Variants in KMT5A observed in about 807,000 individuals in gnomAD.
KMT5A encodes lysine methyltransferase 5A.
Under a neutral mutation model 40.6 loss-of-function variants are expected in KMT5A, and 6 were observed. That is an observed-to-expected ratio of 0.15 (90% CI 0.08 to 0.29). The LOEUF is 0.29. KMT5A is among the 10% of genes least tolerant of loss of function. The pLI, the probability that KMT5A is intolerant of heterozygous loss-of-function variation, is 1.00. For synonymous variants in KMT5A, 153 were observed against 178.8 expected, an observed-to-expected ratio of 0.86 and a Z score of 1.15; for missense variants, 308 against 459.1, an observed-to-expected ratio of 0.67 and a Z score of 3.01.
intron 5 of KMT5A, among the ~76,000 whole-genome samples, chr12:123,400,605 C>T (rs1270214515): frequency 6.6e-6 from 1 of 151,862 alleles, no homozygotes; most frequent in Non-Finnish European, 1.5e-5. Flanking sequence ...GTGATCCGCC[C>T]ACCTTGGCCT....
chr12:123,407,962 C>G lies in KMT5A; in HGVS notation c.*259C>G. ...TTTTGTACTTTTTTTGCATACAAGC[C>G]GAACGTTTGTGCTTCCCGTGCATGC... On this transcript the variant is annotated 3_prime_UTR_variant, in exon 8 of 8. Transcript: ENST00000402868. 1 of 444,538 alleles carries G rather than the reference C, an allele frequency of 2.2e-6. No individual in the cohort carries two copies. The highest frequency in any genetic ancestry group is 3.9e-5 in the Admixed American group (1 of 25,910). The allele number at this position is 444,538 out of a possible 1,614,324, so 27.5% of individuals were successfully genotyped here. A position where few individuals can be genotyped will look rare whatever the true frequency, so the allele number is the denominator to read the frequency against.
intron 3 of KMT5A, among the ~76,000 whole-genome samples, chr12:123,391,784 C>G (rs1450572228): frequency 6.6e-6 from 1 of 152,196 alleles, no homozygotes; most frequent in African/African-American, 2.4e-5. Flanking sequence ...GCCAGCAGCT[C>G]CATACAAGGA....
chr12:123,406,028 C>T (rs535608086), intron 7 of KMT5A, among the ~76,000 whole-genome samples: 16 of 152,046 alleles, frequency 1.1e-4, no homozygotes, highest in African/African-American at 3.9e-4. Flanking sequence ...ACTGTGTTAG[C>T]CAGGATGGTC....
At chr12:123,392,857 G>T (rs182949185) in intron 3 of KMT5A, among the ~76,000 whole-genome samples, 121 of 152,180 alleles carry the variant, frequency 8.0e-4, no homozygotes, top group Non-Finnish European at 1.3e-3. Context: ...GAGGAAGAAA[G>T]ATCTGGATGG....
intron 5 of KMT5A, among the ~76,000 whole-genome samples, chr12:123,400,950 A>G (rs945281809): frequency 5.9e-5 from 9 of 151,470 alleles, no homozygotes; most frequent in African/African-American, 2.2e-4. Context: ...GTGCACCACT[A>G]TGCCCGGCTG....
chr12:123,403,532 A>G, intron 5 of KMT5A, 41 bp from the exon 6 acceptor site: 1 of 1,609,318 alleles, frequency 6.2e-7, no homozygotes. Context: ...CGATGGGCCT[A>G]GGAGAAGATA....
Position 123,405,063 on chromosome 12 carries a change from C to G in KMT5A, c.837C>G (p.Ser279Arg), listed in dbSNP as rs758617587. 6.2e-7 allele frequency: 1 copy of G among 1,612,800 alleles called. No individual in the cohort carries two copies. The highest frequency in any genetic ancestry group is 1.1e-5 in the South Asian group (1 of 90,904). The change falls in exon 7 of 8, where the codon AGC becomes AGG. Residue 279 changes from serine (S) to arginine (R), a missense_variant. By Grantham distance (110) the Ser-to-Arg change is moderately radical. Transcript: ENST00000402868. Reference sequence around the variant, plus strand: ...ACATGTACTATTTTCAGTATCTGAGCAAAACCTACTGGTGAGTCCACTGTT... The same window carrying G: ...ACATGTACTATTTTCAGTATCTGAGGAAAACCTACTGGTGAGTCCACTGTT... ...GCYMYYFQYL[S>R]KTYCVDATRE...
chr12:123,402,594 T>C (rs1037103911), intron 5 of KMT5A, among the ~76,000 whole-genome samples: 9 of 152,182 alleles, frequency 5.9e-5, no homozygotes, highest in African/African-American at 9.7e-5. Flanking sequence ...GAGCTTCCGA[T>C]CTGTCTTCAT....
Position 123,407,744 on chromosome 12 carries a change from T to G in KMT5A, c.*41T>G. The G allele has an allele frequency of 6.5e-7, 1 of 1,533,722 alleles. No homozygotes were observed. The highest frequency in any genetic ancestry group is 1.2e-5 in the South Asian group (1 of 86,348). On this transcript the variant is annotated 3_prime_UTR_variant, in exon 8 of 8. Coordinates refer to ENST00000402868, the MANE Select transcript of KMT5A (RefSeq NM_020382.7). ...CCCTCCCCGCCCCACTTTCCCTTCT[T>G]CAAAGGACAAAGTGCCCTCAAAGGG...
At chr12:123,403,525 T>C in intron 5 of KMT5A, 48 bp from the exon 6 acceptor site, 1 of 1,605,932 alleles carries the variant, frequency 6.2e-7, no homozygotes, top group East Asian at 2.2e-5. Flanking sequence ...CTACGCACGA[T>C]GGGCCTAGGA....
At chr12:123,394,104 C>CTTTT (rs397711320) in intron 3 of KMT5A, among the ~76,000 whole-genome samples, 14 of 125,050 alleles carry the variant, frequency 1.1e-4, no homozygotes, top group Admixed American at 1.8e-4. Flanking sequence ...ATTTTTTTTT[C>CTTTT]TTTTTTTTTT....
chr12:123,399,138 C>G (rs1877962008), intron 5 of KMT5A, among the ~76,000 whole-genome samples: 1 of 152,262 alleles, frequency 6.6e-6, no homozygotes, highest in Non-Finnish European at 1.5e-5. Flanking sequence ...GACCATGCCT[C>G]TTGGCAATGG....
chr12:123,389,454 G>T lies in KMT5A; in HGVS notation c.32G>T (p.Arg11Leu). Residue 11 changes from arginine (R) to leucine (L), a missense_variant, in exon 2 of 8, where the codon CGC (arginine) becomes CTC (leucine). Around this residue, in one of 4 missense-constraint regions of KMT5A, gnomAD observed 92 missense variants for 78.3 expected, o/e 1.18. Coordinates refer to ENST00000402868, the MANE Select transcript of KMT5A (RefSeq NM_020382.7). ...CCAGGCAGGAAGATGTCCAAGCCCC[G>T]CGCGGTGGAGGCGGCGGCGGCGGCG... MARGRKMSKP[R>L]AVEAAAAAAA... The T allele has an allele frequency of 1.8e-6, 2 of 1,088,720 alleles. No homozygotes were observed. The allele number at this position is 1,088,720 out of a possible 1,614,324, so 67.4% of individuals were successfully genotyped here.
At position 123,393,121 on chromosome 12, in the gene KMT5A, A is replaced by C. The variant is rs1246185430; in HGVS notation, c.290-1926A>C. Among the ~76,000 whole-genome samples, 6 of 152,098 alleles carry C rather than the reference A, an allele frequency of 3.9e-5. No individual in the cohort carries two copies. The East Asian group carries it at 1.2e-3, about 29-fold the overall frequency. Reference sequence around the variant, plus strand: ...TTGAACTCCTGACCTCAGGTGGCCCACCCGCCTTGGCCTCCCAAAGTGCTG... The same window carrying C: ...TTGAACTCCTGACCTCAGGTGGCCCCCCCGCCTTGGCCTCCCAAAGTGCTG... On this transcript the variant is annotated intron_variant, in intron 3 of 7. Coordinates refer to ENST00000402868, the MANE Select transcript of KMT5A (RefSeq NM_020382.7).
At chr12:123,398,587 A>G (rs1348866591) in intron 5 of KMT5A, among the ~76,000 whole-genome samples, 3 of 152,240 alleles carry the variant, frequency 2.0e-5, no homozygotes, top group African/African-American at 7.2e-5. Flanking sequence ...TGCAAACACA[A>G]GAAAGCTCGC....
Position 123,395,566 on chromosome 12 carries a change from GTT to G in KMT5A, c.509+318_509+319del, listed in dbSNP as rs144265301. Among the ~76,000 whole-genome samples the G allele has an allele frequency of 1.0e-4, 15 of 143,084 alleles. No individual in the cohort carries two copies. In the South Asian group the frequency reaches 2.0e-3, roughly 19 times the overall value. 93.9% of individuals were successfully genotyped at this position (143,084 alleles called of 152,430 possible). On this transcript the variant is annotated intron_variant, in intron 4 of 7. Coordinates refer to ENST00000402868, the MANE Select transcript of KMT5A (RefSeq NM_020382.7). ...TCTTTTTTGGTGATTGGTGTTTTGT[GTT>G]TTTTTTTTTTTTTTTTTGAGACAGA...
chr12:123,402,562 TG>T (rs1878258522), intron 5 of KMT5A, among the ~76,000 whole-genome samples: 1 of 152,186 alleles, frequency 6.6e-6, no homozygotes, highest in African/African-American at 2.4e-5. Context: ...CATGCTGGTT[TG>T]GGGTGAGCCA....
intron 6 of KMT5A, 70 bp downstream of exon 6, chr12:123,403,702 T>G: frequency 6.3e-7 from 1 of 1,578,988 alleles, no homozygotes; most frequent in East Asian, 2.2e-5. Flanking sequence ...GTCCCGTGGC[T>G]GAGAGTGGCC....
intron 5 of KMT5A, among the ~76,000 whole-genome samples, chr12:123,402,437 GA>G (rs1471131588): frequency 1.3e-5 from 2 of 152,220 alleles, no homozygotes; most frequent in Non-Finnish European, 2.9e-5. Flanking sequence ...TGAGTGCCTG[GA>G]AAAGCTGCAA....
Sources: gnomAD v4.1 joint callset for allele counts (sites outside exome capture counted in the v4.1 genomes callset) on GRCh38, gnomAD v4.1.1 for gene constraint, gnomAD v4.1.1 regional missense constraint, MANE v1.5 for transcripts, NCBI Gene and HGNC (gene_info 2026-07-23, HGNC 2026-07-21) for gene names.